Variants in HHLA2 observed in about 807,000 individuals in gnomAD.
HHLA2 encodes HERV-H LTR-associating protein 2.
HHLA2 carries 48 observed loss-of-function variants against 45.9 expected under a neutral mutation model. That is an observed-to-expected ratio of 1.05 (90% CI 0.83 to 1.33). The LOEUF (loss-of-function observed/expected upper bound fraction) is 1.33. HHLA2 is among the 40% of genes most tolerant of loss of function. The pLI, the probability that HHLA2 is intolerant of heterozygous loss-of-function variation, is 0.00. For synonymous variants in HHLA2, 161 were observed against 173.9 expected, an observed-to-expected ratio of 0.93 and a Z score of 0.59; for missense variants, 462 against 494.3, an observed-to-expected ratio of 0.93 and a Z score of 0.62.
intron 2 of HHLA2, among the ~76,000 whole-genome samples, chr3:108,312,219 T>C (rs767773228): frequency 4.6e-5 from 7 of 152,262 alleles, no homozygotes; most frequent in Admixed American, 1.3e-4. Context: ...TTATGGGTTA[T>C]AGCAGCTTCT....
chr3:108,324,837 T>G (rs2081261637), intron 2 of HHLA2, among the ~76,000 whole-genome samples: 1 of 152,186 alleles, frequency 6.6e-6, no homozygotes, highest in East Asian at 1.9e-4. Flanking sequence ...TGCTGCAAAT[T>G]TGTAATTCTG....
chr3:108,372,579 A>G (rs1036039265), intron 8 of HHLA2, among the ~76,000 whole-genome samples: 18 of 151,940 alleles, frequency 1.2e-4, no homozygotes, highest in African/African-American at 3.9e-4. Context: ...ATAGACCGCT[A>G]GCAAGACTAA....
At chr3:108,340,251 G>C (rs1293900401) in intron 3 of HHLA2, among the ~76,000 whole-genome samples, 1 of 152,186 alleles carries the variant, frequency 6.6e-6, no homozygotes, top group Non-Finnish European at 1.5e-5. Context: ...GAAGGTGGTA[G>C]CTGATCTTTA....
intron 1 of HHLA2, among the ~76,000 whole-genome samples, chr3:108,306,728 A>C (rs1229305208): frequency 6.6e-6 from 1 of 151,910 alleles, no homozygotes; most frequent in Non-Finnish European, 1.5e-5. Context: ...TTCTCACTTC[A>C]TTTTGCCAGA....
intron 2 of HHLA2, among the ~76,000 whole-genome samples, chr3:108,323,219 G>A (rs920344130): frequency 1.3e-5 from 2 of 152,112 alleles, no homozygotes; most frequent in Non-Finnish European, 2.9e-5. Context: ...TAACACAACA[G>A]GGCGGCTATA....
chr3:108,317,676 G>A (rs944053452), intron 2 of HHLA2, among the ~76,000 whole-genome samples: 7 of 151,122 alleles, frequency 4.6e-5, no homozygotes, highest in Admixed American at 4.6e-4. Flanking sequence ...CTAGGTTCAA[G>A]CGATTCTCCT....
intron 3 of HHLA2, among the ~76,000 whole-genome samples, chr3:108,328,874 C>T (rs961206148): frequency 6.6e-6 from 1 of 151,986 alleles, no homozygotes; most frequent in African/African-American, 2.4e-5. Context: ...TGGGAGGAGG[C>T]GGAATTGTGG....
chr3:108,375,734 T>C lies in HHLA2; in HGVS notation c.1109-16T>C. 6.2e-7 allele frequency: 1 copy of C among 1,608,980 alleles called. No individual in the cohort carries two copies. On this transcript the variant is annotated splice_polypyrimidine_tract_variant and intron_variant, in intron 8 of 10. Transcript: ENST00000619531. ...GTAAATACCTAATTTCACTCTTCCC[T>C]GTCTCTGATCTACAGCCCAGCTAGA... is the stretch of plus-strand genomic sequence containing the variant.
At chr3:108,376,040 AT>A (rs777610922) in intron 9 of HHLA2, among the ~76,000 whole-genome samples, 1 of 152,122 alleles carries the variant, frequency 6.6e-6, no homozygotes, top group Non-Finnish European at 1.5e-5. Context: ...TTATTTTTAA[AT>A]TCCCTTTTCT....
At chr3:108,362,174 G>T (rs1009844793) in intron 7 of HHLA2, among the ~76,000 whole-genome samples, 168 bp from the exon 7 acceptor site, 1 of 152,120 alleles carries the variant, frequency 6.6e-6, no homozygotes, top group Non-Finnish European at 1.5e-5. Context: ...CCTAAAGGAC[G>T]TTTTTATTAT....
At chr3:108,332,500 A>G (rs756084151) in intron 3 of HHLA2, among the ~76,000 whole-genome samples, 1 of 152,194 alleles carries the variant, frequency 6.6e-6, no homozygotes, top group Non-Finnish European at 1.5e-5. Flanking sequence ...AAGCCTGTTC[A>G]TACAATTATT....
At chr3:108,356,631 T>C (rs972244523) in intron 6 of HHLA2, among the ~76,000 whole-genome samples, 5 of 152,216 alleles carry the variant, frequency 3.3e-5, no homozygotes, top group African/African-American at 7.2e-5. Flanking sequence ...CTCATGTTCA[T>C]TTAGAATTGA....
At chr3:108,374,640 A>C (rs2082240422) in intron 8 of HHLA2, among the ~76,000 whole-genome samples, 1 of 151,474 alleles carries the variant, frequency 6.6e-6, no homozygotes, top group South Asian at 2.1e-4. Flanking sequence ...CAAGAAAAAA[A>C]CAAACAACCC....
intron 3 of HHLA2, among the ~76,000 whole-genome samples, chr3:108,333,045 C>T (rs11716500): frequency 0.56 from 84,927 of 152,070 alleles, 24,346 homozygotes; most frequent in Middle Eastern, 0.63. Context: ...CTCCTTTCTG[C>T]ATTCTGGTGC....
chr3:108,376,558 G>C lies in HHLA2; in HGVS notation c.1224+1G>C. ...ACCCGATAATGGCGAAGAAAATGTGGTAAGGCATTATTTCCTTTATCAAAC... is the reference window on the plus strand; with the variant it reads ...ACCCGATAATGGCGAAGAAAATGTGCTAAGGCATTATTTCCTTTATCAAAC... On this transcript the variant is annotated splice_donor_variant, in intron 10 of 10. Transcript: ENST00000619531. LOFTEE classifies it high-confidence loss of function. 1 of 1,611,504 alleles carries C rather than the reference G, an allele frequency of 6.2e-7. No individual in the cohort carries two copies. Among genetic ancestry groups the C allele is most frequent in the Non-Finnish European group, 8.5e-7 (1 of 1,178,258 alleles).
chr3:108,330,116 G>A (rs1031755893), intron 3 of HHLA2, among the ~76,000 whole-genome samples: 3 of 152,182 alleles, frequency 2.0e-5, no homozygotes, highest in African/African-American at 4.8e-5. Context: ...ATCTCTTCAA[G>A]AGTGAGTGAT....
chr3:108,336,327 TAAG>T (rs2081471318), intron 3 of HHLA2, among the ~76,000 whole-genome samples: 4 of 152,170 alleles, frequency 2.6e-5, no homozygotes, highest in Admixed American at 2.6e-4. Flanking sequence ...GTGTTTGAAA[TAAG>T]AAATACTTTC....
chr3:108,376,276 C>T (rs547883397), intron 9 of HHLA2, among the ~76,000 whole-genome samples: 86 of 152,276 alleles, frequency 5.6e-4, no homozygotes, highest in Middle Eastern at 6.8e-3. Flanking sequence ...TGCCTTTATT[C>T]CCCGGCTTTG....
At chr3:108,368,007 A>G (rs940246422) in intron 8 of HHLA2, among the ~76,000 whole-genome samples, 1 of 152,198 alleles carries the variant, frequency 6.6e-6, no homozygotes, top group Non-Finnish European at 1.5e-5. Flanking sequence ...AACAATGGAT[A>G]TCTCTGCAGA....
Sources: gnomAD v4.1 joint callset for allele counts (sites outside exome capture counted in the v4.1 genomes callset) on GRCh38, gnomAD v4.1.1 for gene constraint, MANE v1.5 for transcripts, NCBI Gene and HGNC (gene_info 2026-07-23, HGNC 2026-07-21) for gene names.